DOP1B: variants seen among roughly 807,000 people sequenced by gnomAD.
DOP1B encodes protein DOP1B.
In DOP1B, 174 loss-of-function variants were observed where a neutral mutation model predicts 233.5. The observed-to-expected ratio is 0.75, with a 90% CI of 0.66 to 0.85. The LOEUF (loss-of-function observed/expected upper bound fraction) is 0.85. DOP1B is among the 40% of genes least tolerant of loss of function. The probability of loss-of-function intolerance (pLI) is 0.00; values close to 1 mark genes in which losing one functional copy is unlikely to be tolerated. For synonymous variants in DOP1B, 1,190 were observed against 1,185.6 expected, an observed-to-expected ratio of 1.00 and a Z score of -0.08; for missense variants, 2,652 against 2,846.6, an observed-to-expected ratio of 0.93 and a Z score of 1.56.
At position 36,245,515 on chromosome 21, in the gene DOP1B, G is replaced by T. The variant is rs766136017; in HGVS notation, c.3535G>T (p.Val1179Leu). The change falls in exon 19 of 37, where the codon GTG (valine) becomes TTG (leucine). Residue 1179 changes from valine (V) to leucine (L), a missense_variant. By Grantham distance (32) the Val-to-Leu change is conservative (BLOSUM62 1). This residue lies in a region of DOP1B where 2,617 missense variants were observed against 2,794.3 expected (regional missense o/e 0.94). Transcript: ENST00000691173. This position sits in a 1 kb window ranked among gnomAD's most constrained non-coding sequence, Gnocchi z 5.5. The part of the protein sequence containing the change: ...SFKAGAKLSL[V>L]RVDSDKTQAS... ...CAAGGCTGGGGCCAAGTTAAGCCTG[G>T]TGCGGGTGGACTCGGACAAGACGCA... 5.0e-6 allele frequency: 8 copies of T among 1,613,442 alleles called. No homozygotes were observed. Among genetic ancestry groups the T allele is most frequent in the Middle Eastern group, 1.6e-4 (1 of 6,084 alleles).
At chr21:36,273,332 G>A (rs2067312265) in intron 27 of DOP1B, among the ~76,000 whole-genome samples, 1 of 151,984 alleles carries the variant, frequency 6.6e-6, no homozygotes, top group African/African-American at 2.4e-5. Flanking sequence ...ACTGGAACCT[G>A]GGAGGCAGAG....
chr21:36,263,918 C>G, intron 26 of DOP1B, 104 bp downstream of exon 26: 1 of 1,146,790 alleles, frequency 8.7e-7, no homozygotes, highest in Non-Finnish European at 1.3e-6. Context: ...TGGACAGAAT[C>G]TGAGGTTAGC....
At chr21:36,194,447 G>A (rs1225782087) in intron 2 of DOP1B, among the ~76,000 whole-genome samples, 1 of 149,290 alleles carries the variant, frequency 6.7e-6, no homozygotes, top group African/African-American at 2.5e-5. Context: ...AGTCCTGTTG[G>A]TTCATTGCCT....
At chr21:36,226,900 CTTT>C (rs1432162303) in intron 12 of DOP1B, among the ~76,000 whole-genome samples, 3 of 152,142 alleles carry the variant, frequency 2.0e-5, no homozygotes, top group Admixed American at 2.0e-4. Flanking sequence ...GCCTAGTCTT[CTTT>C]TGTTTTCTGA....
intron 22 of DOP1B, among the ~76,000 whole-genome samples, chr21:36,252,175 T>TTA (rs772651646): frequency 6.8e-6 from 1 of 147,370 alleles, no homozygotes; most frequent in Non-Finnish European, 1.5e-5. Context: ...AGTCCCTATC[T>TTA]AAAAAAAAAA....
chr21:36,239,886 C>T lies in DOP1B; in HGVS notation c.2998C>T (p.Leu1000Phe). Residue 1000 changes from leucine (L) to phenylalanine (F), a missense_variant, in exon 18 of 37, where the codon CTC (leucine) becomes TTC (phenylalanine). This residue lies in a region of DOP1B where 2,617 missense variants were observed against 2,794.3 expected (regional missense o/e 0.94). Transcript: ENST00000691173. ...GDVARILEPVLLLLLQPKTQR... is the reference protein window; with the variant it reads ...GDVARILEPVFLLLLQPKTQR... Reference sequence around the variant, plus strand: ...CGTGGCTCGCATCCTCGAACCCGTGCTCCTGCTGCTGCTGCAGCCAAAAAC... The same window carrying T: ...CGTGGCTCGCATCCTCGAACCCGTGTTCCTGCTGCTGCTGCAGCCAAAAAC... 6.2e-7 allele frequency: 1 copy of T among 1,606,788 alleles called. No individual in the cohort carries two copies. The highest frequency in any genetic ancestry group is 8.5e-7 in the Non-Finnish European group (1 of 1,178,114).
At chr21:36,277,345 C>T (rs61612333) in intron 28 of DOP1B, among the ~76,000 whole-genome samples, 29,280 of 151,336 alleles carry the variant, frequency 0.19, 3,601 homozygotes, top group African/African-American at 0.35. Context: ...TGCAGTGGCG[C>T]GATCTCAGCT....
rs2066972209 is a variant in DOP1B, at chr21:36,246,862, T to C, written c.4697+185T>C. ...TGATCCATTATGTTATGTTATGTTA[T>C]GTTATGTTATGTTATGTTATGTTAT... On this transcript the variant is annotated intron_variant, in intron 19 of 36. Transcript: ENST00000691173. This position sits in a 1 kb window ranked among gnomAD's most constrained non-coding sequence, Gnocchi z 5.1. 6.8e-6 allele frequency among the ~76,000 whole-genome samples: 1 copy of C among 146,958 alleles called. No homozygotes were observed. The highest frequency in any genetic ancestry group is 1.5e-5 in the Non-Finnish European group (1 of 67,682).
chr21:36,221,875 CTGTT>C (rs1171328887), intron 10 of DOP1B, among the ~76,000 whole-genome samples: 2 of 152,042 alleles, frequency 1.3e-5, no homozygotes, highest in African/African-American at 2.4e-5. Context: ...TGCGCACAGC[CTGTT>C]TGTTTGTTTT....
At chr21:36,243,280 C>T (rs2066913237) in intron 18 of DOP1B, among the ~76,000 whole-genome samples, 1 of 151,788 alleles carries the variant, frequency 6.6e-6, no homozygotes, top group Non-Finnish European at 1.5e-5. Flanking sequence ...ATGCCCGGCT[C>T]ATGGCATAGA....
intron 2 of DOP1B, among the ~76,000 whole-genome samples, chr21:36,193,506 C>T (rs940454628): frequency 1.3e-5 from 2 of 152,088 alleles, no homozygotes; most frequent in Non-Finnish European, 1.5e-5. Flanking sequence ...TCTCCCTAGG[C>T]TTTATGAGCT....
intron 2 of DOP1B, among the ~76,000 whole-genome samples, chr21:36,187,902 G>A (rs926405326): frequency 2.4e-4 from 36 of 152,044 alleles, no homozygotes; most frequent in Admixed American, 2.3e-3. Context: ...CGCCTGGCCT[G>A]CTTCTTTTTT....
At chr21:36,268,549 A>G (rs1182513985) in intron 26 of DOP1B, among the ~76,000 whole-genome samples, 1 of 152,250 alleles carries the variant, frequency 6.6e-6, no homozygotes, top group Non-Finnish European at 1.5e-5. Flanking sequence ...TGAAGATAAC[A>G]GGATTAAGAG....
intron 24 of DOP1B, among the ~76,000 whole-genome samples, chr21:36,262,220 C>T (rs1238807157): frequency 6.6e-6 from 1 of 152,156 alleles, no homozygotes; most frequent in Non-Finnish European, 1.5e-5. Context: ...CCTGTGACAG[C>T]GAATATATAT....
chr21:36,262,695 C>T (rs2067184187), intron 24 of DOP1B, among the ~76,000 whole-genome samples: 1 of 151,824 alleles, frequency 6.6e-6, no homozygotes, highest in African/African-American at 2.4e-5. Context: ...TCAAGACCAG[C>T]CTGGCCAACA....
chr21:36,167,105 A>C (rs1386074552), intron 2 of DOP1B, among the ~76,000 whole-genome samples: 1 of 152,218 alleles, frequency 6.6e-6, no homozygotes, highest in Admixed American at 6.5e-5. Context: ...ATTGAGTCCC[A>C]CATTCTTCTG....
chr21:36,262,821 G>A (rs1404107326), intron 24 of DOP1B, among the ~76,000 whole-genome samples: 1 of 152,018 alleles, frequency 6.6e-6, no homozygotes, highest in African/African-American at 2.4e-5. Context: ...AACCCGGGGG[G>A]CAGAGGTTGC....
chr21:36,199,410 T>C (rs1035652681), intron 3 of DOP1B, among the ~76,000 whole-genome samples, 159 bp downstream of exon 3: 21 of 152,066 alleles, frequency 1.4e-4, no homozygotes, highest in Admixed American at 1.3e-3. Context: ...GGGCGCCTTC[T>C]GGAGTCTATC....
chr21:36,227,938 G>A, intron 13 of DOP1B, 61 bp downstream of exon 13: 1 of 1,442,350 alleles, frequency 6.9e-7, no homozygotes. Flanking sequence ...GCCTTCCTGG[G>A]AGTAGAAAGT....
Sources: gnomAD v4.1 joint callset for allele counts (sites outside exome capture counted in the v4.1 genomes callset) on GRCh38, gnomAD v4.1.1 for gene constraint, gnomAD v4.1.1 regional missense constraint, Gnocchi (gnomAD v3.1) non-coding constraint, MANE v1.5 for transcripts, NCBI Gene and HGNC (gene_info 2026-07-23, HGNC 2026-07-21) for gene names.